RGS7: variants seen among roughly 807,000 people sequenced by gnomAD.
RGS7 encodes regulator of G-protein signaling 7.
A neutral mutation model predicts 81.1 loss-of-function variants in RGS7; 27 were observed. The ratio of observed to expected loss-of-function variants is 0.33; its 90% CI spans 0.25 to 0.46. RGS7 has a LOEUF of 0.46. Ranked by LOEUF, RGS7 falls within the 20% of genes least tolerant of loss-of-function variation. The probability of loss-of-function intolerance (pLI) is 1.00; values close to 1 mark genes in which losing one functional copy is unlikely to be tolerated. For synonymous variants in RGS7, 208 were observed against 207.7 expected, an observed-to-expected ratio of 1.00 and a Z score of -0.01; for missense variants, 396 against 607.4, an observed-to-expected ratio of 0.65 and a Z score of 3.66.
intron 2 of RGS7, among the ~76,000 whole-genome samples, chr1:241,245,689 C>G (rs1459707221): frequency 6.6e-6 from 1 of 151,826 alleles, no homozygotes; most frequent in Non-Finnish European, 1.5e-5. Flanking sequence ...TGCCTGTAAT[C>G]CTAGCTACTC....
chr1:240,787,370 TA>T (rs1358723557), intron 18 of RGS7, among the ~76,000 whole-genome samples: 3 of 152,302 alleles, frequency 2.0e-5, no homozygotes, highest in Non-Finnish European at 2.9e-5. Context: ...TTATTCATTT[TA>T]AAAAGGAGTT....
chr1:240,878,489 C>CTTTTT (rs57896753), intron 6 of RGS7, among the ~76,000 whole-genome samples: 155 of 117,286 alleles, frequency 1.3e-3, no homozygotes, highest in Non-Finnish European at 1.8e-3. Context: ...TTTTTTCTTT[C>CTTTTT]TTTTTTTTTT....
intron 6 of RGS7, among the ~76,000 whole-genome samples, chr1:240,893,307 A>G (rs1178068841): frequency 2.6e-5 from 4 of 152,168 alleles, no homozygotes; most frequent in African/African-American, 7.2e-5. Flanking sequence ...TATTAAGATA[A>G]ATCCATTAAT....
chr1:240,793,611 A>ATATATATATATTTTT, intron 18 of RGS7, among the ~76,000 whole-genome samples: 2 of 78,872 alleles, frequency 2.5e-5, no homozygotes, highest in Non-Finnish European at 4.0e-5. Flanking sequence ...ATATATATAT[A>ATATATATATATTTTT]TTTTTTTTTT....
At chr1:240,788,728 C>T (rs999674006) in intron 18 of RGS7, among the ~76,000 whole-genome samples, 2 of 152,104 alleles carry the variant, frequency 1.3e-5, no homozygotes, top group African/African-American at 2.4e-5. Flanking sequence ...GTAACCAATG[C>T]GGAGCAGAGA....
At chr1:241,255,503 T>C (rs1230357971) in intron 2 of RGS7, among the ~76,000 whole-genome samples, 1 of 151,924 alleles carries the variant, frequency 6.6e-6, no homozygotes, top group Non-Finnish European at 1.5e-5. Context: ...CACAGAAAAA[T>C]GAGCAGGCCT....
intron 3 of RGS7, among the ~76,000 whole-genome samples, chr1:241,031,528 T>C (rs942257431): frequency 2.6e-5 from 4 of 152,196 alleles, no homozygotes; most frequent in East Asian, 1.9e-4. Flanking sequence ...GTAGTTTTAT[T>C]TTTTAGTACT....
chr1:241,190,089 C>CG (rs536592421), intron 2 of RGS7, among the ~76,000 whole-genome samples: 2,474 of 151,872 alleles, frequency 0.016, 39 homozygotes, highest in African/African-American at 0.029. Flanking sequence ...GGCGACAGAG[C>CG]AGACTCCGTC....
chr1:241,302,649 A>T (rs2079842276), intron 2 of RGS7, among the ~76,000 whole-genome samples: 1 of 152,212 alleles, frequency 6.6e-6, no homozygotes, highest in Admixed American at 6.5e-5. Context: ...AATTTTTCTT[A>T]TCATACAAAA....
At chr1:240,983,749 T>G (rs931860565) in intron 3 of RGS7, among the ~76,000 whole-genome samples, 1 of 152,208 alleles carries the variant, frequency 6.6e-6, no homozygotes, top group African/African-American at 2.4e-5. Flanking sequence ...ATGCAGTCTT[T>G]TATTGTCGTG....
intron 2 of RGS7, among the ~76,000 whole-genome samples, chr1:241,179,207 G>A (rs1351173708): frequency 6.6e-6 from 1 of 152,154 alleles, no homozygotes; most frequent in Admixed American, 6.5e-5. Context: ...CAATTCTCCT[G>A]CTTCAGCCTT....
rs1272515937 is a variant in RGS7, at chr1:240,806,057, T to C, written c.1269+83A>G. Reference sequence around the variant, plus strand: ...TTGAAAATGTTAGAAATAGCTGCCATTTAGAATGAAAATAAAATGAATACA... The same window carrying C: ...TTGAAAATGTTAGAAATAGCTGCCACTTAGAATGAAAATAAAATGAATACA... On this transcript the variant is annotated intron_variant, in intron 15 of 18. Coordinates refer to ENST00000440928, the MANE Select transcript of RGS7 (RefSeq NM_001364886.1). 5 of 1,224,174 alleles carry C rather than the reference T, an allele frequency of 4.1e-6. No individual in the cohort carries two copies. The Admixed American group carries it at 8.5e-5, about 21-fold the overall frequency. 75.8% of individuals were successfully genotyped at this position (1,224,174 alleles called of 1,614,324 possible).
intron 2 of RGS7, among the ~76,000 whole-genome samples, chr1:241,269,752 A>G (rs2077775261): frequency 6.6e-6 from 1 of 152,254 alleles, no homozygotes. Flanking sequence ...TAAATGCATC[A>G]TAGGTATTCT....
At chr1:241,201,231 G>C (rs1378030343) in intron 2 of RGS7, among the ~76,000 whole-genome samples, 1 of 152,182 alleles carries the variant, frequency 6.6e-6, no homozygotes, top group African/African-American at 2.4e-5. Context: ...GGGATTTCAA[G>C]AGTTTCCTGA....
chr1:241,001,144 G>A (rs1303811812), intron 3 of RGS7, among the ~76,000 whole-genome samples: 2 of 152,100 alleles, frequency 1.3e-5, no homozygotes, highest in Non-Finnish European at 2.9e-5. Context: ...GTGTGTGTGT[G>A]TTTTCATAGG....
Position 241,245,809 on chromosome 1 carries a change from AAAAC to A in RGS7, c.78+109886_78+109889del, listed in dbSNP as rs1224933996. Among the ~76,000 whole-genome samples the A allele has an allele frequency of 1.2e-3, 183 of 149,582 alleles. 1 individual carries two copies. Among genetic ancestry groups the A allele is most frequent in the African/African-American group, 3.6e-3 (144 of 40,416 alleles). On this transcript the variant is annotated intron_variant, in intron 2 of 18. Coordinates refer to ENST00000440928, the MANE Select transcript of RGS7 (RefSeq NM_001364886.1). ...GCAACACAGCGAGACTCCACCTCAA[AAAAC>A]AAACAAACAGGCAGGACGCGGTGGC...
intron 2 of RGS7, among the ~76,000 whole-genome samples, chr1:241,332,910 A>G (rs1005876615): frequency 6.6e-6 from 1 of 152,198 alleles, no homozygotes; most frequent in African/African-American, 2.4e-5. Flanking sequence ...GAACAGGACC[A>G]TTTCCCCAGC....
intron 2 of RGS7, among the ~76,000 whole-genome samples, chr1:241,287,487 T>C (rs1019361057): frequency 2.0e-5 from 3 of 152,228 alleles, no homozygotes; most frequent in African/African-American, 7.2e-5. Flanking sequence ...TCTTCTGCCA[T>C]GATTATGAGG....
At chr1:241,294,580 G>A (rs909595748) in intron 2 of RGS7, among the ~76,000 whole-genome samples, 1 of 152,038 alleles carries the variant, frequency 6.6e-6, no homozygotes, top group Admixed American at 6.5e-5. Flanking sequence ...TCTACCCTAG[G>A]GTACAGTAAT....
Sources: gnomAD v4.1 joint callset for allele counts (sites outside exome capture counted in the v4.1 genomes callset) on GRCh38, gnomAD v4.1.1 for gene constraint, MANE v1.5 for transcripts, NCBI Gene and HGNC (gene_info 2026-07-23, HGNC 2026-07-21) for gene names.